ULK4: variants seen among roughly 807,000 people sequenced by gnomAD.
The protein encoded by ULK4 is unc-51 like kinase 4, also known as inactive serine/threonine-protein kinase ULK4.
Under a neutral mutation model 160.6 loss-of-function variants are expected in ULK4, and 133 were observed. The observed-to-expected ratio is 0.83, with a 90% CI of 0.72 to 0.96. ULK4 has a LOEUF of 0.96. ULK4 is among the 40% of genes least tolerant of loss of function. The pLI, the probability that ULK4 is intolerant of heterozygous loss-of-function variation, is 0.00. For missense variants in ULK4, 1,580 were observed against 1,499.5 expected (o/e 1.05, Z -0.89); for synonymous variants, 534 against 539.8 (o/e 0.99, Z 0.15).
chr3:41,607,193 C>T lies in ULK4; in HGVS notation c.3120+8476G>A, dbSNP rs77286861. On this transcript the variant is annotated intron_variant, in intron 31 of 36. Transcript: ENST00000301831. ...ATTAAATCAATAAACACTGTTGCAA[C>T]ATTAGCTTGATGATAGTGAAAAGGA... 3.7e-3 allele frequency among the ~76,000 whole-genome samples: 565 copies of T among 152,118 alleles called. 2 individuals are homozygous for T. The highest frequency in any genetic ancestry group is 0.013 in the African/African-American group (546 of 41,526).
chr3:41,383,095 T>C (rs75316165), intron 35 of ULK4, among the ~76,000 whole-genome samples: 1 of 103,024 alleles, frequency 9.7e-6, no homozygotes, highest in Non-Finnish European at 2.3e-5. Flanking sequence ...TTTTCTTTTT[T>C]TTTTTCTTGT....
intron 2 of ULK4, among the ~76,000 whole-genome samples, chr3:41,953,463 C>CAGCT (rs1423703762): frequency 6.6e-6 from 1 of 151,558 alleles, no homozygotes; most frequent in Non-Finnish European, 1.5e-5. Flanking sequence ...CTACCACGCC[C>CAGCT]AGCTAATTTT....
chr3:41,803,383 T>C (rs185554913), intron 19 of ULK4, among the ~76,000 whole-genome samples: 49 of 152,276 alleles, frequency 3.2e-4, no homozygotes, highest in African/African-American at 1.0e-3. Context: ...TACTCATAGA[T>C]TAATTTGAGA....
chr3:41,425,829 T>G (rs1158214407), intron 34 of ULK4, among the ~76,000 whole-genome samples: 1 of 152,124 alleles, frequency 6.6e-6, no homozygotes, highest in Non-Finnish European at 1.5e-5. Flanking sequence ...AAAAACATAC[T>G]GAAGTACAAA....
intron 20 of ULK4, among the ~76,000 whole-genome samples, chr3:41,795,404 TA>T (rs1336911052): frequency 6.6e-6 from 1 of 152,146 alleles, no homozygotes; most frequent in Non-Finnish European, 1.5e-5. Flanking sequence ...TTAATCTTAC[TA>T]ACCTCTGCCC....
In ULK4 at chr3:41,828,404, T is replaced by C. The variant is rs533730864; in HGVS notation, c.1764+7460A>G. 2.3e-3 allele frequency among the ~76,000 whole-genome samples: 340 copies of C among 149,280 alleles called. 1 individual carries two copies. The highest frequency in any genetic ancestry group is 7.6e-3 in the African/African-American group (304 of 39,948). ...TGATTGTATATCTAGAAAACCCCAT[T>C]GTCTCAGCCCAAAATCTCCTTAAGC... On this transcript the variant is annotated intron_variant, in intron 18 of 36. Coordinates refer to ENST00000301831, the MANE Select transcript of ULK4 (RefSeq NM_017886.4).
intron 21 of ULK4, among the ~76,000 whole-genome samples, chr3:41,770,613 T>C (rs1453862370): frequency 2.6e-5 from 4 of 151,224 alleles, no homozygotes; most frequent in Non-Finnish European, 5.9e-5. Context: ...CAGGTTCAAG[T>C]GATCCTCCTG....
intron 21 of ULK4, among the ~76,000 whole-genome samples, chr3:41,780,152 A>AAATAC (rs2039781582): frequency 6.6e-6 from 1 of 151,620 alleles, no homozygotes; most frequent in African/African-American, 2.4e-5. Context: ...TCTCTACCGA[A>AAATAC]AATACAAAAA....
At chr3:41,958,116 A>G (rs1576022178) in intron 1 of ULK4, among the ~76,000 whole-genome samples, 1 of 152,164 alleles carries the variant, frequency 6.6e-6, no homozygotes, top group Admixed American at 6.6e-5. Flanking sequence ...CAATATGGGT[A>G]TATTAAAGAA....
At chr3:41,803,106 G>C (rs2040516240) in intron 19 of ULK4, among the ~76,000 whole-genome samples, 1 of 150,406 alleles carries the variant, frequency 6.6e-6, no homozygotes, top group Non-Finnish European at 1.5e-5. Flanking sequence ...AGGAGGCAGA[G>C]GTTGCAGTGA....
At chr3:41,500,888 CAT>C (rs2085179870) in intron 32 of ULK4, among the ~76,000 whole-genome samples, 1 of 152,136 alleles carries the variant, frequency 6.6e-6, no homozygotes, top group Non-Finnish European at 1.5e-5. Context: ...GGATTTTTTA[CAT>C]GTCTTTGTTT....
intron 32 of ULK4, among the ~76,000 whole-genome samples, chr3:41,473,641 A>G (rs1338233390): frequency 6.9e-6 from 1 of 145,222 alleles, no homozygotes; most frequent in East Asian, 2.0e-4. Context: ...CAGGCTGGGC[A>G]ACAGAATGAG....
At chr3:41,896,307 T>C (rs1319935417) in intron 15 of ULK4, among the ~76,000 whole-genome samples, 1 of 151,584 alleles carries the variant, frequency 6.6e-6, no homozygotes, top group African/African-American at 2.4e-5. Flanking sequence ...CAGGCTGGAG[T>C]GCTGTGGTGC....
intron 35 of ULK4, among the ~76,000 whole-genome samples, chr3:41,344,302 C>T: frequency 6.6e-6 from 1 of 152,114 alleles, no homozygotes; most frequent in Non-Finnish European, 1.5e-5. Context: ...TGGACCTTTT[C>T]CTTACACCAT....
chr3:41,720,275 A>G (rs1559506880), intron 22 of ULK4, among the ~76,000 whole-genome samples: 1 of 152,226 alleles, frequency 6.6e-6, no homozygotes, highest in Non-Finnish European at 1.5e-5. Context: ...TATTAGCTGA[A>G]TAAGTAAATA....
intron 22 of ULK4, among the ~76,000 whole-genome samples, chr3:41,751,472 T>A (rs964990479): frequency 6.6e-6 from 1 of 151,946 alleles, no homozygotes; most frequent in Non-Finnish European, 1.5e-5. Flanking sequence ...AAGCCTAAGG[T>A]CACTTTCCAG....
chr3:41,792,385 A>C lies in ULK4; in HGVS notation c.2011-2542T>G, dbSNP rs1219315957. On this transcript the variant is annotated intron_variant, in intron 20 of 36. Transcript: ENST00000301831. ...TTTATGAAATCAAACAGTATTGTTT[A>C]ATTATTTTCCTAATCCAAGTATTTT... Among the ~76,000 whole-genome samples, 6 of 152,162 alleles carry C rather than the reference A, an allele frequency of 3.9e-5. No homozygotes were observed. In the South Asian group the frequency reaches 1.2e-3, roughly 31 times the overall value.
intron 7 of ULK4, among the ~76,000 whole-genome samples, 198 bp downstream of exon 7, chr3:41,918,259 T>TA (rs1699042080): frequency 6.6e-6 from 1 of 152,212 alleles, no homozygotes; most frequent in Non-Finnish European, 1.5e-5. Context: ...GGGAAATCTA[T>TA]TAGTACTTTG....
chr3:41,813,619 C>G (rs2125622882), intron 19 of ULK4, among the ~76,000 whole-genome samples: 1 of 152,240 alleles, frequency 6.6e-6, no homozygotes, highest in South Asian at 2.1e-4. Flanking sequence ...AAACAAGGAG[C>G]AAGTAAGTTA....
Sources: gnomAD v4.1 joint callset for allele counts (sites outside exome capture counted in the v4.1 genomes callset) on GRCh38, gnomAD v4.1.1 for gene constraint, MANE v1.5 for transcripts, NCBI Gene and HGNC (gene_info 2026-07-23, HGNC 2026-07-21) for gene names.